Variants in SYNE1 observed in about 807,000 individuals in gnomAD.
SYNE1 encodes the protein spectrin repeat containing nuclear envelope protein 1, also known as nesprin-1.
Under a neutral mutation model 1,111.0 loss-of-function variants are expected in SYNE1, and 616 were observed. The ratio of observed to expected loss-of-function variants is 0.55; its 90% CI spans 0.52 to 0.59. SYNE1 has a LOEUF of 0.59. Ranked by LOEUF, SYNE1 falls within the 20% of genes least tolerant of loss-of-function variation. The pLI, the probability that SYNE1 is intolerant of heterozygous loss-of-function variation, is 0.00. For missense variants in SYNE1, 10,006 were observed against 10,417.0 expected, an observed-to-expected ratio of 0.96 and a Z score of 1.72; for synonymous variants, 3,855 against 3,825.8, an observed-to-expected ratio of 1.01 and a Z score of -0.28.
chr6:152,135,097 A>G lies in SYNE1; in HGVS notation c.25788+7T>C. On this transcript the variant is annotated splice_region_variant and intron_variant, in intron 142 of 145. Coordinates refer to ENST00000367255, the MANE Select transcript of SYNE1 (RefSeq NM_182961.4). ...AACTGGAGGCTGCCAGAGTTCACAC[A>G]TCTTACCATAAGCTGTTTGTGATGG... 3 of 1,614,152 alleles carry G rather than the reference A, an allele frequency of 1.9e-6. No individual in the cohort carries two copies. The highest frequency in any genetic ancestry group is 2.5e-6 in the Non-Finnish European group (3 of 1,180,014).
intron 95 of SYNE1, among the ~76,000 whole-genome samples, chr6:152,291,052 T>C (rs1244661097): frequency 6.7e-6 from 1 of 148,442 alleles, no homozygotes; most frequent in East Asian, 1.9e-4. Context: ...ATTAATATGT[T>C]CTAATTATAT....
At position 152,368,375 on chromosome 6, in the gene SYNE1, C is replaced by G. The variant is rs1167027151; in HGVS notation, c.9807+597G>C. On this transcript the variant is annotated intron_variant, in intron 61 of 145. Transcript: ENST00000367255. ...GTAGTAGGATTCCATTTATTTTCTTCTAAGCTATTTGAAAAGAGGTTTAAT... is the reference window on the plus strand; with the variant it reads ...GTAGTAGGATTCCATTTATTTTCTTGTAAGCTATTTGAAAAGAGGTTTAAT... 5.9e-5 allele frequency: 9 copies of G among 153,534 alleles called. No homozygotes were observed. In the East Asian group the frequency reaches 1.7e-3, roughly 29 times the overall value. 9.5% of individuals were successfully genotyped at this position (153,534 alleles called of 1,614,324 possible). A position where few individuals can be genotyped will look rare whatever the true frequency, so the allele number is the denominator to read the frequency against.
intron 145 of SYNE1, chr6:152,128,799 C>A (rs564704087): frequency 1.3e-5 from 2 of 152,200 alleles, no homozygotes; most frequent in Non-Finnish European, 2.9e-5. Flanking sequence ...AGGAACACCA[C>A]GACAGCCTGG....
At chr6:152,313,454 A>ATTTTC (rs2095613293) in intron 87 of SYNE1, among the ~76,000 whole-genome samples, 1 of 140,936 alleles carries the variant, frequency 7.1e-6, no homozygotes. Context: ...AACACAATGG[A>ATTTTC]TTTTCTTTTC....
At chr6:152,593,413 T>G (rs2099572430) in intron 3 of SYNE1, among the ~76,000 whole-genome samples, 1 of 152,048 alleles carries the variant, frequency 6.6e-6, no homozygotes, top group African/African-American at 2.4e-5. Flanking sequence ...TGAAACCCCA[T>G]CTCAACTAAA....
intron 40 of SYNE1, among the ~76,000 whole-genome samples, chr6:152,419,134 C>T (rs538486938): frequency 6.6e-6 from 1 of 152,302 alleles, no homozygotes; most frequent in South Asian, 2.1e-4. Context: ...AAGATCTTTT[C>T]ACCCCTCCAT....
At chr6:152,337,950 C>A (rs749976766) in intron 75 of SYNE1, among the ~76,000 whole-genome samples, 1 of 151,990 alleles carries the variant, frequency 6.6e-6, no homozygotes, top group Non-Finnish European at 1.5e-5. Flanking sequence ...GAATTCGAGA[C>A]CCACCTGGGC....
chr6:152,391,341 A>G lies in SYNE1; in HGVS notation c.7940T>C (p.Leu2647Pro). ...CCCAAGAGTGCTCTCTGCACAGGCC[A>G]GTCTGTCCTGAATGGCCTTCACCCA... ...WFWVKAIQDRLACAESTLGSK... is the reference protein window; with the variant it reads ...WFWVKAIQDRPACAESTLGSK... The change falls in exon 52 of 146, where the codon CTG becomes CCG. Residue 2647 changes from leucine (L) to proline (P), a missense_variant. Leu to Pro is a moderately conservative substitution (Grantham distance 98). Around this residue, in one of 7 missense-constraint regions of SYNE1, gnomAD observed 4,955 missense variants for 5,017.2 expected, o/e 0.99. Transcript: ENST00000367255. 1 of 1,614,152 alleles carries G rather than the reference A, an allele frequency of 6.2e-7. No individual in the cohort carries two copies. Among genetic ancestry groups the G allele is most frequent in the African/African-American group, 1.3e-5 (1 of 75,036 alleles).
chr6:152,204,552 G>A (rs918190241), intron 126 of SYNE1, among the ~76,000 whole-genome samples: 4 of 151,994 alleles, frequency 2.6e-5, no homozygotes, highest in Admixed American at 6.6e-5. Flanking sequence ...TATAGCTGGG[G>A]TAAAAAATAG....
At chr6:152,573,159 A>G (rs1161471490) in intron 3 of SYNE1, among the ~76,000 whole-genome samples, 5 of 152,106 alleles carry the variant, frequency 3.3e-5, no homozygotes, top group African/African-American at 1.2e-4. Flanking sequence ...TGAGGTCTCT[A>G]TAGAGGAGGC....
At chr6:152,623,818 T>C (rs1278430871) in intron 3 of SYNE1, among the ~76,000 whole-genome samples, 2 of 152,114 alleles carry the variant, frequency 1.3e-5, no homozygotes, top group African/African-American at 4.8e-5. Flanking sequence ...GATGCCAAGC[T>C]TTTTCTTTTC....
intron 123 of SYNE1, among the ~76,000 whole-genome samples, chr6:152,212,680 C>T (rs929598238): frequency 2.6e-5 from 4 of 152,188 alleles, no homozygotes; most frequent in South Asian, 4.2e-4. Context: ...GATTACTCTA[C>T]GTAACTCTAT....
chr6:152,326,059 C>A lies in SYNE1; in HGVS notation c.15337G>T (p.Val5113Phe). The A allele has an allele frequency of 6.2e-7, 1 of 1,614,152 alleles. No homozygotes were observed. Residue 5113 changes from valine (V) to phenylalanine (F), a missense_variant, in exon 80 of 146, where the codon GTT becomes TTT. Around this residue, in one of 7 missense-constraint regions of SYNE1, gnomAD observed 4,955 missense variants for 5,017.2 expected, o/e 0.99. Transcript: ENST00000367255. ...TCTGTATCATTCATCAATTCAATAA[C>A]CTCTTCCCTTGCTTTCTGGTAATCG... is the stretch of plus-strand genomic sequence containing the variant. ...WHDYQKAREE[V>F]IELMNDTEKK...
chr6:152,266,060 T>C (rs2092672049), intron 100 of SYNE1, among the ~76,000 whole-genome samples: 2 of 152,160 alleles, frequency 1.3e-5, no homozygotes, highest in African/African-American at 4.8e-5. Context: ...TGAGCTGTTA[T>C]CAACTGCATA....
intron 95 of SYNE1, among the ~76,000 whole-genome samples, chr6:152,284,561 C>T (rs541584065): frequency 4.0e-5 from 6 of 149,866 alleles, no homozygotes; most frequent in Non-Finnish European, 5.9e-5. Flanking sequence ...TGGGCTCAAG[C>T]GGCCCTCCTG....
chr6:152,398,666 G>T lies in SYNE1; in HGVS notation c.7303C>A (p.Arg2435Ser). 2 of 1,613,952 alleles carry T rather than the reference G, an allele frequency of 1.2e-6. No homozygotes were observed. The highest frequency in any genetic ancestry group is 1.7e-6 in the Non-Finnish European group (2 of 1,179,910). The change falls in exon 49 of 146, where the codon CGC becomes AGC. Residue 2435 changes from arginine (R) to serine (S), a missense_variant. By Grantham distance (110) the Arg-to-Ser change is moderately radical (BLOSUM62 -1). Transcript: ENST00000367255. ...TCTAGAACTTTGCTGTCACCGGTGCGATCTGATGATTCTTTTGCTGCTGCC... is the reference window on the plus strand; with the variant it reads ...TCTAGAACTTTGCTGTCACCGGTGCTATCTGATGATTCTTTTGCTGCTGCC... Reference protein sequence around the residue: ...AKAAAKESSDRTGDSKVLEAK... With the variant: ...AKAAAKESSDSTGDSKVLEAK...
intron 127 of SYNE1, among the ~76,000 whole-genome samples, chr6:152,199,534 T>C (rs2074957840): frequency 1.3e-5 from 2 of 152,360 alleles, no homozygotes; most frequent in African/African-American, 4.8e-5. Flanking sequence ...AAAAAATTCA[T>C]ATAGCAATAT....
intron 114 of SYNE1, among the ~76,000 whole-genome samples, 155 bp from the exon 115 acceptor site, chr6:152,230,857 T>G (rs2153511238): frequency 6.6e-6 from 1 of 152,282 alleles, no homozygotes; most frequent in South Asian, 2.1e-4. Flanking sequence ...GTCTAATCTT[T>G]TGGCTTCCCT....
intron 101 of SYNE1, among the ~76,000 whole-genome samples, chr6:152,259,838 C>A (rs1316890833): frequency 1.3e-5 from 2 of 152,012 alleles, no homozygotes; most frequent in Non-Finnish European, 2.9e-5. Context: ...CCAGCGATTG[C>A]TGAAACAAAG....
Sources: allele counts gnomAD v4.1 joint callset (sites outside exome capture counted in the v4.1 genomes callset), GRCh38; gene constraint gnomAD v4.1.1; regional missense constraint gnomAD v4.1.1; transcripts MANE v1.5; gene names NCBI Gene and HGNC (gene_info 2026-07-23, HGNC 2026-07-21).